The following ECH1 variants were observed in gnomAD, a reference collection of about 807,000 sequenced individuals.
ECH1 encodes delta(3,5)-Delta(2,4)-dienoyl-CoA isomerase, mitochondrial.
A neutral mutation model predicts 37.0 loss-of-function variants in ECH1; 30 were observed. The observed-to-expected ratio is 0.81, with a 90% confidence interval of 0.61 to 1.10. The LOEUF (loss-of-function observed/expected upper bound fraction) is 1.10, where lower values mean the gene tolerates loss of function less well. ECH1 is among the 50% of genes least tolerant of loss of function. ECH1 has a pLI of 0.00. For synonymous variants in ECH1, 178 were observed against 176.0 expected, an observed-to-expected ratio of 1.01 and a Z score of -0.09; for missense variants, 456 against 441.6, an observed-to-expected ratio of 1.03 and a Z score of -0.29.
intron 3 of ECH1, among the ~76,000 whole-genome samples, chr19:38,827,189 G>A (rs1030937759): frequency 6.6e-6 from 1 of 152,132 alleles, no homozygotes; most frequent in Non-Finnish European, 1.5e-5. Flanking sequence ...AAAACAGAAA[G>A]AAATAGTTTA....
intron 3 of ECH1, 161 bp from the exon 4 acceptor site, chr19:38,817,736 G>A (rs1174405445): frequency 2.0e-6 from 2 of 985,226 alleles, no homozygotes; most frequent in Non-Finnish European, 2.4e-6. Flanking sequence ...TTGCATGTTG[G>A]GTGGGAAGGA....
chr19:38,816,440 C>T lies in ECH1; in HGVS notation c.659+13G>A, dbSNP rs369357433. Reference sequence around the variant, plus strand: ...GGGTCTCCTGCCCACACCCCCACACCCCCTGCACCCACCTCTGGTTCCCGA... The same window carrying T: ...GGGTCTCCTGCCCACACCCCCACACTCCCTGCACCCACCTCTGGTTCCCGA... On this transcript the variant is annotated intron_variant, in intron 7 of 9. Coordinates refer to ENST00000221418, the MANE Select transcript of ECH1 (RefSeq NM_001398.3). 1.2e-6 allele frequency: 2 copies of T among 1,614,120 alleles called. No individual in the cohort carries two copies. Among genetic ancestry groups the T allele is most frequent in the Admixed American group, 3.3e-5 (2 of 60,012 alleles).
intron 3 of ECH1, among the ~76,000 whole-genome samples, chr19:38,825,894 C>G (rs1971732267): frequency 6.6e-6 from 1 of 152,206 alleles, no homozygotes; most frequent in Non-Finnish European, 1.5e-5. Flanking sequence ...AACAACAGGA[C>G]AGAGGGTGCC....
At chr19:38,826,834 T>C (rs1971746208) in intron 3 of ECH1, among the ~76,000 whole-genome samples, 1 of 152,038 alleles carries the variant, frequency 6.6e-6, no homozygotes, top group Non-Finnish European at 1.5e-5. Context: ...GGTCCTTCAA[T>C]ATATGGATGA....
Position 38,816,021 on chromosome 19 carries a change from G to C in ECH1, c.732-14C>G, listed in dbSNP as rs939980631. On this transcript the variant is annotated splice_polypyrimidine_tract_variant and intron_variant, in intron 8 of 9. Transcript: ENST00000221418. The stretch of plus-strand genomic sequence containing the variant: ...GGGAACACCCGGCTGCAGTGAAAGA[G>C]ATCAGGGACCGGGTGGGCTGGGAAG... 4 of 1,611,730 alleles carry C rather than the reference G, an allele frequency of 2.5e-6. No individual in the cohort carries two copies. In the African/African-American group the frequency reaches 4.0e-5, roughly 16 times the overall value.
intron 3 of ECH1, among the ~76,000 whole-genome samples, chr19:38,821,379 C>T (rs1435301330): frequency 6.6e-6 from 1 of 152,232 alleles, no homozygotes; most frequent in Non-Finnish European, 1.5e-5. Flanking sequence ...TCGCTGGCCT[C>T]AGAGCCCACT....
chr19:38,817,703 C>G lies in ECH1; in HGVS notation c.350-128G>C, dbSNP rs181335857. Reference sequence around the variant, plus strand: ...ACCAAGGCGGAAAAAAAACAACTCACACAGGACTTGGTGAGGGATTGATTG... The same window carrying G: ...ACCAAGGCGGAAAAAAAACAACTCAGACAGGACTTGGTGAGGGATTGATTG... On this transcript the variant is annotated intron_variant, in intron 3 of 9. Coordinates refer to ENST00000221418, the MANE Select transcript of ECH1 (RefSeq NM_001398.3). The G allele has an allele frequency of 2.3e-5, 33 of 1,428,770 alleles. No individual in the cohort carries two copies. In the East Asian group the frequency reaches 4.1e-4, roughly 18 times the overall value. The allele number at this position is 1,428,770 out of a possible 1,614,324, so 88.5% of individuals were successfully genotyped here. A position where few individuals can be genotyped will look rare whatever the true frequency, so the allele number is the denominator to read the frequency against.
intron 5 of ECH1, 42 bp from the exon 6 acceptor site, chr19:38,817,171 C>A (rs1339755973): frequency 6.4e-7 from 1 of 1,554,360 alleles, no homozygotes; most frequent in Non-Finnish European, 8.7e-7. Context: ...CCACCAGAAC[C>A]AACCCTGGCT....
chr19:38,822,280 T>C (rs180711259), intron 3 of ECH1, among the ~76,000 whole-genome samples: 330 of 152,154 alleles, frequency 2.2e-3, no homozygotes, highest in African/African-American at 7.7e-3. Flanking sequence ...CAGCACCCTG[T>C]GTCTAGCTCA....
Position 38,815,724 on chromosome 19 carries a change from C to G in ECH1, c.883-7G>C. ...TGCTCATGTTCCAGGACGCCTGGTA[C>G]CGAGGGTGTTGAGAGAGAACGAGGA... On this transcript the variant is annotated splice_region_variant and splice_polypyrimidine_tract_variant and intron_variant, in intron 9 of 9. Coordinates refer to ENST00000221418, the MANE Select transcript of ECH1 (RefSeq NM_001398.3). The G allele has an allele frequency of 6.2e-7, 1 of 1,614,056 alleles. No individual in the cohort carries two copies. Among genetic ancestry groups the G allele is most frequent in the Non-Finnish European group, 8.5e-7 (1 of 1,180,024 alleles).
Position 38,831,077 on chromosome 19 carries a change from C to G in ECH1, c.349+1G>C, listed in dbSNP as rs1444218561. 3.1e-6 allele frequency: 5 copies of G among 1,613,212 alleles called. No individual in the cohort carries two copies. ...CAGGGTGTGTGAAGAGCGTCTGGTA[C>G]CTGCAGTGAACATTTTTCCTGCACC... is the stretch of plus-strand genomic sequence containing the variant. On this transcript the variant is annotated splice_donor_variant, in intron 3 of 9. Transcript: ENST00000221418. LOFTEE classifies it high-confidence loss of function.
chr19:38,816,472 T>A lies in ECH1; in HGVS notation c.640A>T (p.Lys214Ter). 6.2e-7 allele frequency: 1 copy of A among 1,614,150 alleles called. No individual in the cohort carries two copies. The highest frequency in any genetic ancestry group is 1.1e-5 in the South Asian group (1 of 91,084). ...ADVGTLQRLP[K>*]VIGNQSLVNE... is the part of the protein sequence containing the mutation. ...ACCCACCTCTGGTTCCCGATGACCT[T>A]GGGCAGGCGCTGCAGTGTTCCTACA... The change falls in exon 7 of 10, where the codon AAG becomes TAG. Residue 214 changes from lysine to a stop codon, truncating the protein, a stop_gained. Coordinates refer to ENST00000221418, the MANE Select transcript of ECH1 (RefSeq NM_001398.3). LOFTEE classifies it high-confidence loss of function.
rs1218621936 is a variant in ECH1, at chr19:38,816,517, C to A, written c.595G>T (p.Asp199Tyr). The change falls in exon 7 of 10, where the codon GAC becomes TAC. Residue 199 changes from aspartate to tyrosine, a missense_variant. By Grantham distance (160) the Asp-to-Tyr change is radical. Transcript: ENST00000221418. ...QDAFFQVKEV[D>Y]VGLAADVGTL... ...CCTACATCGGCAGCCAAACCCACGTCCACCTCCTGGGGGAGGAATCGGGTC... is the reference window on the plus strand; with the variant it reads ...CCTACATCGGCAGCCAAACCCACGTACACCTCCTGGGGGAGGAATCGGGTC... 2 of 1,614,152 alleles carry A rather than the reference C, an allele frequency of 1.2e-6. No homozygotes were observed. Among genetic ancestry groups the A allele is most frequent in the Non-Finnish European group, 1.7e-6 (2 of 1,180,008 alleles).
rs1403167483 is a variant in ECH1, at chr19:38,817,345, G to C, written c.494C>G (p.Ala165Gly). The change falls in exon 5 of 10, where the codon GCT becomes GGT. Residue 165 changes from alanine to glycine, a missense_variant. Physicochemically the swap from Ala to Gly is moderately conservative, Grantham distance 60. Coordinates refer to ENST00000221418, the MANE Select transcript of ECH1 (RefSeq NM_001398.3). ...VIERCPKPVI[A>G]AVHGGCIGGG... ...GCCAATGCAGCCCCCATGGACGGCA[G>C]CAATCACGGGCTTGGGGCACTGAGA... 6.3e-7 allele frequency: 1 copy of C among 1,583,360 alleles called. No individual in the cohort carries two copies. The highest frequency in any genetic ancestry group is 1.3e-5 in the African/African-American group (1 of 74,564).
intron 3 of ECH1, among the ~76,000 whole-genome samples, chr19:38,829,948 G>C (rs1971794651): frequency 6.6e-6 from 1 of 152,140 alleles, no homozygotes; most frequent in Non-Finnish European, 1.5e-5. Flanking sequence ...CTGAGGTCAG[G>C]AGTTTAAGAC....
chr19:38,817,296 G>C lies in ECH1; in HGVS notation c.523+20C>G. 3 of 1,540,378 alleles carry C rather than the reference G, an allele frequency of 1.9e-6. No individual in the cohort carries two copies. The highest frequency in any genetic ancestry group is 2.6e-6 in the Non-Finnish European group (3 of 1,139,312). On this transcript the variant is annotated intron_variant, in intron 5 of 9. Transcript: ENST00000221418. ...CCCCACCTGGGGAGCACCCGAGCAG[G>C]AGGATAGCCGCAGACTCACCTCCGC... is the stretch of plus-strand genomic sequence containing the variant.
chr19:38,822,331 A>T (rs1372826693), intron 3 of ECH1, among the ~76,000 whole-genome samples: 1 of 151,574 alleles, frequency 6.6e-6, no homozygotes, highest in Non-Finnish European at 1.5e-5. Context: ...TATCTAGCTA[A>T]TCTGGTGGGG....
intron 3 of ECH1, chr19:38,820,579 T>C (rs546971110): frequency 2.0e-5 from 3 of 152,210 alleles, no homozygotes; most frequent in Non-Finnish European, 2.9e-5. Flanking sequence ...AGAATTAATA[T>C]GTTTAACGTG....
At chr19:38,822,132 A>G (rs1292910916) in intron 3 of ECH1, among the ~76,000 whole-genome samples, 2 of 151,098 alleles carry the variant, frequency 1.3e-5, no homozygotes, top group Non-Finnish European at 2.9e-5. Context: ...GTCTAGCTCA[A>G]GGTTTGTAAA....
Sources: gnomAD v4.1 joint callset for allele counts (sites outside exome capture counted in the v4.1 genomes callset) on GRCh38, gnomAD v4.1.1 for gene constraint, MANE v1.5 for transcripts, NCBI Gene and HGNC (gene_info 2026-07-23, HGNC 2026-07-21) for gene names.